MERTK: variants seen among roughly 807,000 people sequenced by gnomAD.
MERTK encodes MER proto-oncogene, tyrosine kinase, also known as tyrosine-protein kinase Mer.
Under a neutral mutation model 99.3 loss-of-function variants are expected in MERTK, and 69 were observed. The observed-to-expected ratio is 0.70, with a 90% confidence interval of 0.57 to 0.85. The LOEUF (loss-of-function observed/expected upper bound fraction) is 0.85, where lower values mean the gene tolerates loss of function less well. MERTK is among the 40% of genes least tolerant of loss of function. The pLI is 0.00. For synonymous variants in MERTK, 426 were observed against 467.6 expected (o/e 0.91, Z 1.15); for missense variants, 1,125 against 1,249.4 (o/e 0.90, Z 1.50).
intron 9 of MERTK, chr2:111,994,740 C>T (rs1676699220): frequency 1.1e-5 from 4 of 366,360 alleles, no homozygotes; most frequent in African/African-American, 8.7e-5. Flanking sequence ...GATCACACCA[C>T]TGTACTCTAG....
intron 6 of MERTK, among the ~76,000 whole-genome samples, chr2:111,971,918 T>G (rs543838846): frequency 6.6e-6 from 1 of 152,388 alleles, no homozygotes; most frequent in South Asian, 2.1e-4. Flanking sequence ...CTCTTATTTT[T>G]GAATTGTCTG....
intron 1 of MERTK, among the ~76,000 whole-genome samples, chr2:111,915,947 T>C (rs1481589840): frequency 6.6e-6 from 1 of 152,208 alleles, no homozygotes. Flanking sequence ...GAATTTCTAT[T>C]GTGTTTCTGT....
At chr2:111,940,935 G>T in intron 2 of MERTK, 1 of 670,182 alleles carries the variant, frequency 1.5e-6, no homozygotes, top group South Asian at 1.4e-5. Flanking sequence ...TGATTTTCTG[G>T]TCTTCAAGCC....
intron 1 of MERTK, among the ~76,000 whole-genome samples, chr2:111,911,856 T>G (rs2104667011): frequency 6.6e-6 from 1 of 151,926 alleles, no homozygotes; most frequent in Non-Finnish European, 1.5e-5. Flanking sequence ...AGCCAGCTGT[T>G]TCTTAACTTT....
intron 5 of MERTK, among the ~76,000 whole-genome samples, 165 bp downstream of exon 5, chr2:111,965,442 T>A (rs1247511208): frequency 6.6e-6 from 1 of 152,206 alleles, no homozygotes; most frequent in Non-Finnish European, 1.5e-5. Flanking sequence ...AGGGTTCCCC[T>A]CTGAAAAGTG....
intron 6 of MERTK, among the ~76,000 whole-genome samples, chr2:111,974,025 A>C (rs1435086957): frequency 6.7e-6 from 1 of 149,544 alleles, no homozygotes; most frequent in Non-Finnish European, 1.5e-5. Flanking sequence ...AAGAATCTAC[A>C]TTTCCTGTGT....
At chr2:112,028,122 C>CAAAGTTA in intron 18 of MERTK, 1 of 581,464 alleles carries the variant, frequency 1.7e-6, no homozygotes, top group East Asian at 3.0e-5. Context: ...GATATAACTG[C>CAAAGTTA]CACATATGTG....
At chr2:111,997,182 C>G (rs1168459516) in intron 9 of MERTK, 141 bp from the exon 10 acceptor site, 1 of 1,009,674 alleles carries the variant, frequency 9.9e-7, no homozygotes, top group South Asian at 1.3e-5. Context: ...TCAGCTTACA[C>G]AAAGTGAGAC....
Position 112,007,599 on chromosome 2 carries a change from T to C in MERTK, c.1868-784T>C, listed in dbSNP as rs1287232902. On this transcript the variant is annotated intron_variant, in intron 13 of 18. Transcript: ENST00000295408. ...TAGGTACTTCATGTAAGTGGAATCATAGAGTATTCATCCTTTTGTGACAGG... is the reference window on the plus strand; with the variant it reads ...TAGGTACTTCATGTAAGTGGAATCACAGAGTATTCATCCTTTTGTGACAGG... Among the ~76,000 whole-genome samples the C allele has an allele frequency of 2.0e-5, 3 of 152,210 alleles. No homozygotes were observed. In the East Asian group the frequency reaches 5.8e-4, roughly 29 times the overall value.
At chr2:111,912,517 A>G (rs1337111568) in intron 1 of MERTK, among the ~76,000 whole-genome samples, 5 of 152,076 alleles carry the variant, frequency 3.3e-5, no homozygotes, top group African/African-American at 9.7e-5. Context: ...ATGTCTCCCT[A>G]TGGACATGTG....
At chr2:111,925,227 C>G (rs1684532742) in intron 1 of MERTK, among the ~76,000 whole-genome samples, 1 of 138,798 alleles carries the variant, frequency 7.2e-6, no homozygotes, top group Non-Finnish European at 1.5e-5. Context: ...TATCTGTTGG[C>G]AATCAAATCA....
chr2:111,970,808 T>TCCTC (rs1676101906), intron 6 of MERTK, among the ~76,000 whole-genome samples: 1 of 85,832 alleles, frequency 1.2e-5, no homozygotes, highest in Non-Finnish European at 2.2e-5. Flanking sequence ...TCCCCCCTCC[T>TCCTC]CCTCCTCCTC....
intron 4 of MERTK, among the ~76,000 whole-genome samples, chr2:111,960,497 AAAAAG>A (rs1553451305): frequency 8.1e-5 from 12 of 147,930 alleles, no homozygotes; most frequent in Admixed American, 3.4e-4. Flanking sequence ...AAAAAAAAAA[AAAAAG>A]AAAAGAAAAT....
intron 13 of MERTK, among the ~76,000 whole-genome samples, chr2:112,004,243 CCTT>C (rs1400210871): frequency 5.3e-5 from 8 of 152,268 alleles, no homozygotes; most frequent in South Asian, 2.1e-4. Flanking sequence ...TGCTCTCTCT[CCTT>C]CTCTCACTGT....
At chr2:112,019,077 T>C (rs956783297) in intron 15 of MERTK, among the ~76,000 whole-genome samples, 8 of 151,372 alleles carry the variant, frequency 5.3e-5, no homozygotes, top group Admixed American at 4.6e-4. Context: ...CTTTCCCTCC[T>C]CTGTGCAATG....
At chr2:112,005,754 A>G (rs1289906276) in intron 13 of MERTK, among the ~76,000 whole-genome samples, 8 of 152,200 alleles carry the variant, frequency 5.3e-5, no homozygotes, top group Admixed American at 5.2e-4. Flanking sequence ...ATTCAATACT[A>G]TTTTTGATCA....
intron 6 of MERTK, among the ~76,000 whole-genome samples, chr2:111,971,431 A>C: frequency 6.8e-6 from 1 of 146,132 alleles, no homozygotes; most frequent in East Asian, 1.9e-4. Context: ...TTTATATATA[A>C]AAAAAAATAG....
At chr2:112,019,352 A>C in intron 15 of MERTK, 61 bp from the exon 16 acceptor site, 5 of 1,268,380 alleles carry the variant, frequency 3.9e-6, no homozygotes, top group South Asian at 2.4e-5. Context: ...CCCGGCAGAA[A>C]CTGCTTGCAA....
At chr2:112,001,128 A>G (rs1676859743) in intron 10 of MERTK, 73 bp from the exon 11 acceptor site, 1 of 1,144,646 alleles carries the variant, frequency 8.7e-7, no homozygotes, top group Admixed American at 1.7e-5. Context: ...GCTCTGTAGC[A>G]TCCTTGTGGA....
Sources: allele counts gnomAD v4.1 joint callset (sites outside exome capture counted in the v4.1 genomes callset), GRCh38; gene constraint gnomAD v4.1.1; transcripts MANE v1.5; gene names NCBI Gene and HGNC (gene_info 2026-07-23, HGNC 2026-07-21).